SRSF6: variants seen among roughly 807,000 people sequenced by gnomAD.
SRSF6 encodes serine and arginine rich splicing factor 6, also known as serine/arginine-rich splicing factor 6.
A neutral mutation model predicts 42.0 loss-of-function variants in SRSF6; 17 were observed. That is an observed-to-expected ratio of 0.40 (90% CI 0.28 to 0.61). The LOEUF (loss-of-function observed/expected upper bound fraction) is 0.61. SRSF6 is among the 20% of genes least tolerant of loss of function. The probability of loss-of-function intolerance (pLI) is 0.37; values close to 1 mark genes in which losing one functional copy is unlikely to be tolerated. For missense variants in SRSF6, 379 were observed against 471.4 expected (o/e 0.80, Z 1.81); for synonymous variants, 204 against 166.7 (o/e 1.22, Z -1.72).
Position 43,458,364 on chromosome 20 carries a change from C to T in SRSF6, c.111C>T (p.Tyr37=). 1.3e-6 allele frequency: 2 copies of T among 1,553,432 alleles called. No individual in the cohort carries two copies. The highest frequency in any genetic ancestry group is 8.7e-7 in the Non-Finnish European group (1 of 1,154,072). Residue 37 remains tyrosine, a synonymous_variant, in exon 2 of 6, where the codon TAC becomes TAT. Transcript: ENST00000244020. ...CCGGCCCTCGCACCGCCCCTAGGTA[C>T]GGCTTCGTGGAGTTCGAGGACTCCC... ...RLLEVDLKNG[Y]GFVEFEDSRD...
At position 43,462,678 on chromosome 20, in the gene SRSF6, A is replaced by C. The variant is rs1037241172; in HGVS notation, c.*1615A>C. ...CTAGGGCATTCACAGAGTAGCTGTGAGTTCTTGGTAATGTGAAAAAGGCCT... is the reference window on the plus strand; with the variant it reads ...CTAGGGCATTCACAGAGTAGCTGTGCGTTCTTGGTAATGTGAAAAAGGCCT... On this transcript the variant is annotated 3_prime_UTR_variant, in exon 6 of 6. Transcript: ENST00000244020. 1 of 152,218 alleles carries C rather than the reference A, an allele frequency of 6.6e-6. No individual in the cohort carries two copies. Among genetic ancestry groups the C allele is most frequent in the African/African-American group, 2.4e-5 (1 of 41,454 alleles). 9.4% of individuals were successfully genotyped at this position (152,218 alleles called of 1,614,324 possible).
At position 43,462,442 on chromosome 20, in the gene SRSF6, A is replaced by G. The variant is rs1207844729; in HGVS notation, c.*1379A>G. On this transcript the variant is annotated 3_prime_UTR_variant, in exon 6 of 6. Transcript: ENST00000244020. ...ATTTATTAATCTTAGTCTGAAATCA[A>G]AATATAGATTAATTGGCTCAGCTTT... The G allele has an allele frequency of 3.3e-5, 5 of 152,220 alleles. No homozygotes were observed. Among genetic ancestry groups the G allele is most frequent in the Admixed American group, 3.3e-4 (5 of 15,280 alleles). 9.4% of individuals were successfully genotyped at this position (152,220 alleles called of 1,614,324 possible).
rs1397806928 is a variant in SRSF6, at chr20:43,461,725, CTT to C, written c.*664_*665del. 6.6e-6 allele frequency: 1 copy of C among 152,590 alleles called. No individual in the cohort carries two copies. Among genetic ancestry groups the C allele is most frequent in the Middle Eastern group, 3.2e-3 (1 of 316 alleles). 9.5% of individuals were successfully genotyped at this position (152,590 alleles called of 1,614,324 possible). On this transcript the variant is annotated 3_prime_UTR_variant, in exon 6 of 6. Transcript: ENST00000244020. ...TGCAGTTAATCAAATTTGCCAAAGT[CTT>C]TATCTGCCCCTTTAACAAGTTGAGT... is the stretch of plus-strand genomic sequence containing the variant.
intron 2 of SRSF6, 65 bp from the exon 3 acceptor site, chr20:43,459,706 C>T (rs568288298): frequency 1.3e-4 from 213 of 1,608,862 alleles, no homozygotes; most frequent in East Asian, 2.2e-4. Context: ...TTTGTACTAA[C>T]TTTCAAAGAC....
intron 2 of SRSF6, 118 bp downstream of exon 2, chr20:43,458,627 C>G: frequency 9.5e-7 from 1 of 1,057,544 alleles, no homozygotes; most frequent in Non-Finnish European, 1.3e-6. Flanking sequence ...CTTGGGTGTC[C>G]CCGAGCCCCG....
intron 2 of SRSF6, 88 bp downstream of exon 2, chr20:43,458,597 G>A: frequency 2.3e-6 from 3 of 1,311,574 alleles, no homozygotes; most frequent in South Asian, 1.6e-5. Context: ...GGGCAGGCGC[G>A]AGGGCCGGGG....
In SRSF6 at chr20:43,464,036, G is replaced by T. The variant is rs1249874713; in HGVS notation, c.*2973G>T. On this transcript the variant is annotated 3_prime_UTR_variant, in exon 6 of 6. Transcript: ENST00000244020. The stretch of plus-strand genomic sequence containing the variant: ...GCCTTTTTAGGTTTTCAGTGTTCAT[G>T]CCCTGAGTAGTAGTCTGCAGTTTGC... 5 of 152,166 alleles carry T rather than the reference G, an allele frequency of 3.3e-5. No homozygotes were observed. Among genetic ancestry groups the T allele is most frequent in the Non-Finnish European group, 5.9e-5 (4 of 68,026 alleles). 9.4% of individuals were successfully genotyped at this position (152,166 alleles called of 1,614,324 possible).
In SRSF6 at chr20:43,460,930, C is replaced by A. The variant is rs2017576322; in HGVS notation, c.902C>A (p.Ser301Tyr). Residue 301 changes from serine to tyrosine, a missense_variant, in exon 6 of 6, where the codon TCC (serine) becomes TAC (tyrosine). Coordinates refer to ENST00000244020, the MANE Select transcript of SRSF6 (RefSeq NM_006275.6). ...TCCAGATCAAGGAGCCAGTCCCGTT[C>A]CAATTCGCCGCTACCTGTTCCACCC... ...SKSRSRSQSR[S>Y]NSPLPVPPSK... 4.3e-6 allele frequency: 7 copies of A among 1,614,172 alleles called. No individual in the cohort carries two copies. Among genetic ancestry groups the A allele is most frequent in the Middle Eastern group, 1.6e-4 (1 of 6,062 alleles).
chr20:43,458,196 C>T, intron 1 of SRSF6, 56 bp downstream of exon 1: 4 of 1,572,488 alleles, frequency 2.5e-6, no homozygotes, highest in Non-Finnish European at 3.5e-6. Flanking sequence ...GCGGCGGGAA[C>T]TCTCCAAGGA....
At position 43,460,005 on chromosome 20, in the gene SRSF6, TCCGAGTCTGA is replaced by T; in HGVS notation, c.382-25_382-16del. ...TATGGTATATAGATGTTTTAAGATT[TCCGAGTCTGA>T]CCAATCTTGTCTTTCAGGATTTTAT... On this transcript the variant is annotated intron_variant, in intron 3 of 5. Transcript: ENST00000244020. 6.2e-7 allele frequency: 1 copy of T among 1,613,988 alleles called. No individual in the cohort carries two copies. The highest frequency in any genetic ancestry group is 8.5e-7 in the Non-Finnish European group (1 of 1,179,864).
At position 43,461,910 on chromosome 20, in the gene SRSF6, T is replaced by A. The variant is rs2017607697; in HGVS notation, c.*847T>A. 1 of 152,238 alleles carries A rather than the reference T, an allele frequency of 6.6e-6. No individual in the cohort carries two copies. The highest frequency in any genetic ancestry group is 1.5e-5 in the Non-Finnish European group (1 of 68,024). The allele number at this position is 152,238 out of a possible 1,614,324, so 9.4% of individuals were successfully genotyped here. On this transcript the variant is annotated 3_prime_UTR_variant, in exon 6 of 6. Coordinates refer to ENST00000244020, the MANE Select transcript of SRSF6 (RefSeq NM_006275.6). The stretch of plus-strand genomic sequence containing the variant: ...TAGAGAATCCACTTTCTGGAAGTTC[T>A]CAGCATAATTAGTGTTGAGAGTGGT...
intron 4 of SRSF6, 134 bp downstream of exon 4, chr20:43,460,375 C>T: frequency 8.0e-7 from 1 of 1,245,820 alleles, no homozygotes; most frequent in African/African-American, 1.5e-5. Flanking sequence ...TCATTGCGTT[C>T]TTTTCTGGAT....
chr20:43,461,354 T>G lies in SRSF6; in HGVS notation c.*291T>G, dbSNP rs1234299347. On this transcript the variant is annotated 3_prime_UTR_variant, in exon 6 of 6. Coordinates refer to ENST00000244020, the MANE Select transcript of SRSF6 (RefSeq NM_006275.6). ...TTAGTGTTGTTTTTTTTTTTTTTTT[T>G]TTTTTTTTTTTTTTTTTTTTAGTAT... 191 of 243,212 alleles carry G rather than the reference T, an allele frequency of 7.9e-4. 3 individuals carry two copies. Among genetic ancestry groups the G allele is most frequent in the African/African-American group, 4.4e-3 (168 of 38,464 alleles). The allele number at this position is 243,212 out of a possible 1,614,324, so 15.1% of individuals were successfully genotyped here.
Position 43,459,051 on chromosome 20 carries a change from G to A in SRSF6, c.256+542G>A, listed in dbSNP as rs533811971. The stretch of plus-strand genomic sequence containing the variant: ...AACTAATTGGGGCATGTTATTGGGA[G>A]GAGGTTGGGGGGATTTTTGGTTATG... On this transcript the variant is annotated intron_variant, in intron 2 of 5. Coordinates refer to ENST00000244020, the MANE Select transcript of SRSF6 (RefSeq NM_006275.6). 53 of 1,081,378 alleles carry A rather than the reference G, an allele frequency of 4.9e-5. 1 individual carries two copies. Among genetic ancestry groups the A allele is most frequent in the Non-Finnish European group, 6.3e-5 (51 of 805,390 alleles). The allele number at this position is 1,081,378 out of a possible 1,614,324, so 67.0% of individuals were successfully genotyped here. A position where few individuals can be genotyped will look rare whatever the true frequency, so the allele number is the denominator to read the frequency against.
At chr20:43,459,414 C>G in intron 2 of SRSF6, 1 of 1,309,202 alleles carries the variant, frequency 7.6e-7, no homozygotes, top group Non-Finnish European at 1.0e-6. Flanking sequence ...AAACCTCACA[C>G]TGTGATGTAA....
In SRSF6 at chr20:43,458,018, C is replaced by T. The variant is rs1299468047; in HGVS notation, c.-16C>T. The stretch of plus-strand genomic sequence containing the variant: ...CCGTTCGACAACCAGCCCTTGGGTC[C>T]CCGCCCGCCACGGACATGCCGCGCG... On this transcript the variant is annotated 5_prime_UTR_variant, in exon 1 of 6. Coordinates refer to ENST00000244020, the MANE Select transcript of SRSF6 (RefSeq NM_006275.6). 15 of 1,605,774 alleles carry T rather than the reference C, an allele frequency of 9.3e-6. No homozygotes were observed. Among genetic ancestry groups the T allele is most frequent in the African/African-American group, 1.3e-5 (1 of 74,390 alleles).
rs1568901721 is a variant in SRSF6 at position 43,461,343 on chromosome 20, T to TTTTG, written c.*283_*284insGTTT. 1.0e-4 allele frequency: 3 copies of TTTTG among 28,656 alleles called. No individual in the cohort carries two copies. Among genetic ancestry groups the TTTTG allele is most frequent in the South Asian group, 6.9e-4 (1 of 1,454 alleles). 1.8% of individuals were successfully genotyped at this position (28,656 alleles called of 1,614,324 possible). On this transcript the variant is annotated 3_prime_UTR_variant, in exon 6 of 6. Coordinates refer to ENST00000244020, the MANE Select transcript of SRSF6 (RefSeq NM_006275.6). ...ATTAAGCTCATTTAGTGTTGTTTTT[T>TTTTG]TTTTTTTTTTTTTTTTTTTTTTTTT...
chr20:43,458,578 T>C (rs2145321539), intron 2 of SRSF6, 69 bp downstream of exon 2: 1 of 1,386,472 alleles, frequency 7.2e-7, no homozygotes, highest in Non-Finnish European at 9.3e-7. Flanking sequence ...GGGTGGGGCC[T>C]CCCAGCCCGG....
In SRSF6 at chr20:43,462,425, A is replaced by G. The variant is rs1358953128; in HGVS notation, c.*1362A>G. The G allele has an allele frequency of 1.3e-5, 2 of 152,200 alleles. No individual in the cohort carries two copies. The highest frequency in any genetic ancestry group is 2.9e-5 in the Non-Finnish European group (2 of 68,034). 9.4% of individuals were successfully genotyped at this position (152,200 alleles called of 1,614,324 possible). On this transcript the variant is annotated 3_prime_UTR_variant, in exon 6 of 6. Coordinates refer to ENST00000244020, the MANE Select transcript of SRSF6 (RefSeq NM_006275.6). ...TTACTTTATTTAAAAGCATTTATTA[A>G]TCTTAGTCTGAAATCAAAATATAGA...
Sources: gnomAD v4.1 joint callset for allele counts on GRCh38, gnomAD v4.1.1 for gene constraint, MANE v1.5 for transcripts, NCBI Gene and HGNC (gene_info 2026-07-23, HGNC 2026-07-21) for gene names.